The following C10orf53 variants were observed in gnomAD, a reference collection of about 807,000 sequenced individuals.
The protein encoded by C10orf53 is UPF0728 protein C10orf53.
Under a neutral mutation model 9.4 loss-of-function variants are expected in C10orf53, and 8 were observed. The ratio of observed to expected loss-of-function variants is 0.85; its 90% CI spans 0.50 to 1.53. The LOEUF (loss-of-function observed/expected upper bound fraction) is 1.53. C10orf53 is among the 40% of genes most tolerant of loss of function. The probability of loss-of-function intolerance (pLI) is 0.00; values close to 1 mark genes in which losing one functional copy is unlikely to be tolerated. For missense variants in C10orf53, 117 were observed against 117.8 expected (o/e 0.99, Z 0.03); for synonymous variants, 48 against 46.0 (o/e 1.04, Z -0.18).
chr10:49,694,431 C>G, intron 2 of C10orf53, 107 bp from the exon 3 acceptor site: 2 of 1,442,878 alleles, frequency 1.4e-6, no homozygotes, highest in African/African-American at 1.4e-5. Context: ...ATTTTACCAG[C>G]CCATGGCCTT....
downstream of C10orf53, among the ~76,000 whole-genome samples, chr10:49,699,188 A>ATTTTTTT (rs1210027084): frequency 8.8e-4 from 42 of 47,798 alleles, no homozygotes; most frequent in Middle Eastern, 0.013. Flanking sequence ...TGGTGGCTCA[A>ATTTTTTT]TCTTTTTTTT....
chr10:49,689,022 T>C (rs1840556725), intron 1 of C10orf53, among the ~76,000 whole-genome samples: 1 of 152,214 alleles, frequency 6.6e-6, no homozygotes, highest in African/African-American at 2.4e-5. Flanking sequence ...GCAGGAGTTC[T>C]TTTCTGGTTC....
chr10:49,707,057 C>A (rs1199638297), intron 2 of C10orf53, among the ~76,000 whole-genome samples: 1 of 138,684 alleles, frequency 7.2e-6, no homozygotes, highest in East Asian at 2.9e-4. Flanking sequence ...TGTTAGCATA[C>A]AACAAAAATT....
downstream of C10orf53, among the ~76,000 whole-genome samples, chr10:49,698,071 G>A (rs1410285038): frequency 6.6e-6 from 1 of 152,098 alleles, no homozygotes; most frequent in African/African-American, 2.4e-5. Flanking sequence ...AAGGACATTT[G>A]CTTGAGGCCA....
At chr10:49,706,654 G>C (rs879805087) in intron 2 of C10orf53, among the ~76,000 whole-genome samples, 1 of 152,080 alleles carries the variant, frequency 6.6e-6, no homozygotes, top group Non-Finnish European at 1.5e-5. Flanking sequence ...TGATTGTAGT[G>C]ATGGGGTTGT....
chr10:49,709,401 A>G (rs1202883667), exon 3 of C10orf53: 1 of 152,234 alleles, frequency 6.6e-6, no homozygotes, highest in Non-Finnish European at 1.5e-5. Flanking sequence ...CCTCGGCAGC[A>G]TGACCATGGG....
intron 2 of C10orf53, 195 bp downstream of exon 2, chr10:49,694,088 G>GGTT: frequency 7.1e-6 from 5 of 701,356 alleles, no homozygotes; most frequent in Non-Finnish European, 1.2e-5. Flanking sequence ...TAAAGTGTGT[G>GGTT]ATGCTACGAG....
intron 1 of C10orf53, among the ~76,000 whole-genome samples, chr10:49,693,285 AT>A (rs1367681319): frequency 6.6e-6 from 1 of 152,138 alleles, no homozygotes; most frequent in South Asian, 2.1e-4. Flanking sequence ...ATCTGCCTGT[AT>A]TTTTTTTCCT....
downstream of C10orf53, among the ~76,000 whole-genome samples, chr10:49,697,655 A>G (rs560991325): frequency 3.9e-5 from 6 of 152,210 alleles, no homozygotes; most frequent in East Asian, 1.2e-3. Context: ...GGGTTCAAAC[A>G]ATCCTCCTGC....
chr10:49,709,166 CAG>C (rs1840743913), exon 3 of C10orf53: 2 of 156,298 alleles, frequency 1.3e-5, no homozygotes, highest in Admixed American at 1.3e-4. Context: ...TTGGTGGAAA[CAG>C]AGTCTTGACA....
Position 49,696,099 on chromosome 10 carries a change from G to A in C10orf53, c.*1497G>A, listed in dbSNP as rs984804904. Reference sequence around the variant, plus strand: ...ATGTCTGAATATTCATAAAGAGATAGACATATAGAAATTGACTTCATCCAT... The same window carrying A: ...ATGTCTGAATATTCATAAAGAGATAAACATATAGAAATTGACTTCATCCAT... On this transcript the variant is annotated 3_prime_UTR_variant, in exon 3 of 3. Transcript: ENST00000374111. The A allele has an allele frequency of 4.6e-5, 7 of 152,154 alleles. No individual in the cohort carries two copies. The highest frequency in any genetic ancestry group is 1.7e-4 in the African/African-American group (7 of 41,448). The allele number at this position is 152,154 out of a possible 1,614,324, so 9.4% of individuals were successfully genotyped here. A position where few individuals can be genotyped will look rare whatever the true frequency, so the allele number is the denominator to read the frequency against.
intron 1 of C10orf53, among the ~76,000 whole-genome samples, chr10:49,689,287 G>A (rs930596856): frequency 3.9e-5 from 6 of 152,152 alleles, no homozygotes; most frequent in African/African-American, 1.2e-4. Flanking sequence ...GGGGGCAAGC[G>A]ATGGCATTTC....
intron 1 of C10orf53, among the ~76,000 whole-genome samples, chr10:49,689,132 A>G (rs1229484229): frequency 1.3e-5 from 2 of 152,174 alleles, no homozygotes; most frequent in South Asian, 2.1e-4. Context: ...TGCTAGAACC[A>G]CAGGAGGCAA....
At chr10:49,706,733 A>G (rs1397937244) in intron 2 of C10orf53, among the ~76,000 whole-genome samples, 2 of 152,240 alleles carry the variant, frequency 1.3e-5, no homozygotes, top group Non-Finnish European at 2.9e-5. Context: ...ACATATGTGA[A>G]TTCTACCTAA....
chr10:49,690,738 C>T (rs1840576130), intron 1 of C10orf53, among the ~76,000 whole-genome samples: 1 of 152,166 alleles, frequency 6.6e-6, no homozygotes, highest in Admixed American at 6.5e-5. Flanking sequence ...GAAACCAATC[C>T]ATAAAATAGA....
rs1840634992 is a variant in C10orf53 at position 49,696,364 on chromosome 10, C to A, written c.*1762C>A. ...TTTTCAATGCTGAGAACTGAAATTG[C>A]TAGCTTCCCCTGTCTGCATTTGGAG... On this transcript the variant is annotated 3_prime_UTR_variant, in exon 3 of 3. Transcript: ENST00000374111. Among the ~76,000 whole-genome samples the A allele has an allele frequency of 6.6e-6, 1 of 152,188 alleles. No individual in the cohort carries two copies. Among genetic ancestry groups the A allele is most frequent in the African/African-American group, 2.4e-5 (1 of 41,440 alleles).
rs1052554964 is a variant in C10orf53 at position 49,696,358 on chromosome 10, A to C, written c.*1756A>C. Among the ~76,000 whole-genome samples, 2 of 152,130 alleles carry C rather than the reference A, an allele frequency of 1.3e-5. No individual in the cohort carries two copies. The highest frequency in any genetic ancestry group is 2.4e-5 in the African/African-American group (1 of 41,428). On this transcript the variant is annotated 3_prime_UTR_variant, in exon 3 of 3. Coordinates refer to ENST00000374111, the MANE Select transcript of C10orf53 (RefSeq NM_001042427.3). ...AAAACTTTTTCAATGCTGAGAACTGAAATTGCTAGCTTCCCCTGTCTGCAT... is the reference window on the plus strand; with the variant it reads ...AAAACTTTTTCAATGCTGAGAACTGCAATTGCTAGCTTCCCCTGTCTGCAT...
rs370650240 is a variant in C10orf53 at position 49,696,584 on chromosome 10, C to T, written c.*1982C>T. Among the ~76,000 whole-genome samples the T allele has an allele frequency of 2.2e-4, 33 of 152,284 alleles. No individual in the cohort carries two copies. The highest frequency in any genetic ancestry group is 7.9e-4 in the African/African-American group (33 of 41,536). On this transcript the variant is annotated 3_prime_UTR_variant, in exon 3 of 3. Transcript: ENST00000374111. ...GACCTGCCCTCCTTGGCTTCATGAC[C>T]AGAGCTGAAGGGCAGGTAAGGCGAG...
exon 3 of C10orf53, chr10:49,708,444 A>C (rs1340000469): frequency 1.9e-6 from 3 of 1,614,152 alleles, no homozygotes; most frequent in Non-Finnish European, 2.5e-6. Flanking sequence ...GTGTAGGATG[A>C]AAGTTTCTCC....
Sources: allele counts gnomAD v4.1 joint callset (sites outside exome capture counted in the v4.1 genomes callset), GRCh38; gene constraint gnomAD v4.1.1; transcripts MANE v1.5; gene names NCBI Gene and HGNC (gene_info 2026-07-23, HGNC 2026-07-21).